CARMIL3: variants seen among roughly 807,000 people sequenced by gnomAD.
The protein encoded by CARMIL3 is capping protein, Arp2/3 and myosin-I linker protein 3.
In CARMIL3, 88 loss-of-function variants were observed where a neutral mutation model predicts 180.8. The observed-to-expected ratio is 0.49, with a 90% CI of 0.41 to 0.58. The LOEUF (loss-of-function observed/expected upper bound fraction) is 0.58, where lower values mean the gene tolerates loss of function less well. Ranked by LOEUF, CARMIL3 falls within the 20% of genes least tolerant of loss-of-function variation. The probability of loss-of-function intolerance (pLI) is 0.00; values close to 1 mark genes in which losing one functional copy is unlikely to be tolerated. For synonymous variants in CARMIL3, 696 were observed against 714.5 expected (o/e 0.97, Z 0.41); for missense variants, 1,548 against 1,787.0 (o/e 0.87, Z 2.41).
chr14:24,064,815 G>A, intron 32 of CARMIL3, 143 bp from the exon 33 acceptor site: 1 of 858,096 alleles, frequency 1.2e-6, no homozygotes, highest in Non-Finnish European at 1.8e-6. Flanking sequence ...GACAGGAAAG[G>A]CAAGGGCATC....
In CARMIL3 at chr14:24,054,634, G is replaced by C; in HGVS notation, c.363-77G>C. On this transcript the variant is annotated intron_variant, in intron 5 of 39. Transcript: ENST00000342740. The surrounding 1 kb of genome is among the most constrained non-coding windows in gnomAD (Gnocchi z 5.1). ...ATGTCCCCACTCCTGGTTTTTCCTG[G>C]GATGCAGGAGCTATAACGTGGGAAG... The C allele has an allele frequency of 6.6e-7, 1 of 1,515,766 alleles. No individual in the cohort carries two copies. The highest frequency in any genetic ancestry group is 1.2e-5 in the South Asian group (1 of 85,534). 93.9% of individuals were successfully genotyped at this position (1,515,766 alleles called of 1,614,324 possible). A position where few individuals can be genotyped will look rare whatever the true frequency, so the allele number is the denominator to read the frequency against.
At position 24,059,977 on chromosome 14, in the gene CARMIL3, A is replaced by G. The variant is rs773867158; in HGVS notation, c.1876A>G (p.Thr626Ala). The G allele has an allele frequency of 6.2e-7, 1 of 1,613,970 alleles. No homozygotes were observed. The highest frequency in any genetic ancestry group is 8.5e-7 in the Non-Finnish European group (1 of 1,179,982). ...DIARALESNHTLRFMSFPVSD... is the reference protein window; with the variant it reads ...DIARALESNHALRFMSFPVSD... ...TGCCCCTGTGTCCCACAGCAACCAC[A>G]CGCTGCGCTTCATGTCCTTCCCCGT... The change falls in exon 23 of 40, where the codon ACG becomes GCG. Residue 626 changes from threonine to alanine, a missense_variant. Physicochemically the swap from Thr to Ala is moderately conservative, Grantham distance 58. Around this residue, in one of 4 missense-constraint regions of CARMIL3, gnomAD observed 297 missense variants for 415.9 expected, o/e 0.71. Coordinates refer to ENST00000342740, the MANE Select transcript of CARMIL3 (RefSeq NM_138360.4). This position sits in a 1 kb window ranked among gnomAD's most constrained non-coding sequence, Gnocchi z 6.3.
In CARMIL3 at chr14:24,053,708, G is replaced by GAC; in HGVS notation, c.42_43dup (p.Ser15ThrfsTer7). On this transcript the variant is annotated frameshift_variant and splice_region_variant. Coordinates refer to ENST00000342740, the MANE Select transcript of CARMIL3 (RefSeq NM_138360.4). LOFTEE classifies it high-confidence loss of function. ...CTGAGCAGGCTCCCACCCCCCCTCA[G>GAC]ACAGCATCCGGAGGTGCCTGAGCCA... 1 of 1,607,578 alleles carries GAC rather than the reference G, an allele frequency of 6.2e-7. No individual in the cohort carries two copies. Among genetic ancestry groups the GAC allele is most frequent in the Non-Finnish European group, 8.5e-7 (1 of 1,176,466 alleles).
chr14:24,052,099 G>T lies in CARMIL3; in HGVS notation c.-55G>T, dbSNP rs911641879. 4.6e-4 allele frequency: 695 copies of T among 1,515,380 alleles called. 1 individual carries two copies. The highest frequency in any genetic ancestry group is 1.2e-3 in the South Asian group (95 of 81,378). The allele number at this position is 1,515,380 out of a possible 1,614,324, so 93.9% of individuals were successfully genotyped here. A position where few individuals can be genotyped will look rare whatever the true frequency, so the allele number is the denominator to read the frequency against. On this transcript the variant is annotated 5_prime_UTR_variant, in exon 1 of 40. Coordinates refer to ENST00000342740, the MANE Select transcript of CARMIL3 (RefSeq NM_138360.4). ...GAAGCCGGGTCTAGCATGTGCCGCG[G>T]CTCCCCGGCGGCGGCGGCGGCTCCT...
At position 24,052,091 on chromosome 14, in the gene CARMIL3, G is replaced by A; in HGVS notation, c.-63G>A. On this transcript the variant is annotated 5_prime_UTR_variant, in exon 1 of 40. In the 5' UTR this introduces an upstream ATG that the reference lacks. Coordinates refer to ENST00000342740, the MANE Select transcript of CARMIL3 (RefSeq NM_138360.4). ...GCCCTGCTGAAGCCGGGTCTAGCAT[G>A]TGCCGCGGCTCCCCGGCGGCGGCGG... is the stretch of plus-strand genomic sequence containing the variant. 1 of 1,504,820 alleles carries A rather than the reference G, an allele frequency of 6.6e-7. No individual in the cohort carries two copies. The highest frequency in any genetic ancestry group is 8.9e-7 in the Non-Finnish European group (1 of 1,129,598). 93.2% of individuals were successfully genotyped at this position (1,504,820 alleles called of 1,614,324 possible).
Position 24,054,858 on chromosome 14 carries a change from A to G in CARMIL3, c.460+50A>G. The G allele has an allele frequency of 1.3e-6, 2 of 1,568,182 alleles. No homozygotes were observed. The highest frequency in any genetic ancestry group is 8.8e-7 in the Non-Finnish European group (1 of 1,141,758). On this transcript the variant is annotated intron_variant, in intron 6 of 39. Coordinates refer to ENST00000342740, the MANE Select transcript of CARMIL3 (RefSeq NM_138360.4). This position sits in a 1 kb window ranked among gnomAD's most constrained non-coding sequence, Gnocchi z 5.1. ...AGTAGGCGCTCCACCATCTTGCCCC[A>G]TGATCAGAGCCCTTTGTGCACAGGG...
At position 24,058,074 on chromosome 14, in the gene CARMIL3, G is replaced by A. The variant is rs200608240; in HGVS notation, c.1322+10G>A. On this transcript the variant is annotated intron_variant, in intron 16 of 39. Coordinates refer to ENST00000342740, the MANE Select transcript of CARMIL3 (RefSeq NM_138360.4). This position sits in a 1 kb window ranked among gnomAD's most constrained non-coding sequence, Gnocchi z 6.4. ...CCCTGGAGGCCCTCAGGTCGGGTGGGTGCAGGGTTGGGGGCGCATCCAAGG... is the reference window on the plus strand; with the variant it reads ...CCCTGGAGGCCCTCAGGTCGGGTGGATGCAGGGTTGGGGGCGCATCCAAGG... 1.9e-5 allele frequency: 31 copies of A among 1,613,806 alleles called. 1 individual carries two copies. The East Asian group carries it at 4.2e-4, about 22-fold the overall frequency.
In CARMIL3 at chr14:24,054,772, T is replaced by G. The variant is rs1566538268; in HGVS notation, c.424T>G (p.Ser142Ala). ...GGGGCCCCGAGATACATCCCCCAAC[T>G]CTGAGACTTCCACATCTACCACCCA... Reference protein sequence around the residue: ...PEGPRDTSPNSETSTSTTHSV... With the variant: ...PEGPRDTSPNAETSTSTTHSV... Residue 142 changes from serine (S) to alanine (A), a missense_variant, in exon 6 of 40, where the codon TCT becomes GCT. By Grantham distance (99) the Ser-to-Ala change is moderately conservative. Transcript: ENST00000342740. This position sits in a 1 kb window ranked among gnomAD's most constrained non-coding sequence, Gnocchi z 5.1. 1 of 1,614,040 alleles carries G rather than the reference T, an allele frequency of 6.2e-7. No homozygotes were observed. The highest frequency in any genetic ancestry group is 8.5e-7 in the Non-Finnish European group (1 of 1,179,988).
chr14:24,054,348 G>A lies in CARMIL3; in HGVS notation c.246+47G>A. 1 of 1,613,900 alleles carries A rather than the reference G, an allele frequency of 6.2e-7. No homozygotes were observed. The highest frequency in any genetic ancestry group is 8.5e-7 in the Non-Finnish European group (1 of 1,179,790). On this transcript the variant is annotated intron_variant, in intron 4 of 39. Coordinates refer to ENST00000342740, the MANE Select transcript of CARMIL3 (RefSeq NM_138360.4). This position sits in a 1 kb window ranked among gnomAD's most constrained non-coding sequence, Gnocchi z 5.1. ...CCCACTACTGGGCCAGCTGGAGGAG[G>A]GAGCAGAGAGGAGGGAGTCTGAGGC...
rs2035678874 is a variant in CARMIL3 at position 24,057,023 on chromosome 14, A to G, written c.1061A>G (p.Asn354Ser). The change falls in exon 13 of 40, where the codon AAT becomes AGT. Residue 354 changes from asparagine (N) to serine (S), a missense_variant and splice_region_variant. Physicochemically the swap from Asn to Ser is conservative, Grantham distance 46 (BLOSUM62 1). Coordinates refer to ENST00000342740, the MANE Select transcript of CARMIL3 (RefSeq NM_138360.4). ...GGGCTCCTCGCCACGGATGAGGCCAATGTGAGTCCTCAGAACAGCCTCAGC... is the reference window on the plus strand; with the variant it reads ...GGGCTCCTCGCCACGGATGAGGCCAGTGTGAGTCCTCAGAACAGCCTCAGC... Reference protein sequence around the residue: ...NPGLLATDEANALYSFLAQPN... With the variant: ...NPGLLATDEASALYSFLAQPN... The G allele has an allele frequency of 1.2e-6, 2 of 1,612,736 alleles. No homozygotes were observed. Among genetic ancestry groups the G allele is most frequent in the South Asian group, 1.1e-5 (1 of 90,834 alleles).
chr14:24,061,176 C>A lies in CARMIL3; in HGVS notation c.2304+136C>A. On this transcript the variant is annotated intron_variant, in intron 26 of 39. Coordinates refer to ENST00000342740, the MANE Select transcript of CARMIL3 (RefSeq NM_138360.4). This position sits in a 1 kb window ranked among gnomAD's most constrained non-coding sequence, Gnocchi z 4.1. Reference sequence around the variant, plus strand: ...GCAGAGTTGAGACCACCCACGCTCCCACTGTACCAAGGCATTGCTGCAATA... The same window carrying A: ...GCAGAGTTGAGACCACCCACGCTCCAACTGTACCAAGGCATTGCTGCAATA... 1.4e-6 allele frequency: 1 copy of A among 735,610 alleles called. No homozygotes were observed. The highest frequency in any genetic ancestry group is 2.2e-6 in the Non-Finnish European group (1 of 446,994). 45.6% of individuals were successfully genotyped at this position (735,610 alleles called of 1,614,324 possible).
At position 24,063,398 on chromosome 14, in the gene CARMIL3, G is replaced by A; in HGVS notation, c.2844G>A (p.Gly948=). ...GIPPGWFSGL[G]GSQPTASGSW... ...CCCCTGGCTGGTTCTCAGGACTTGG[G>A]GGCAGCCAGCCCACAGCTAGTGGCT... Residue 948 remains glycine (G), a synonymous_variant, in exon 31 of 40, where the codon GGG becomes GGA. Transcript: ENST00000342740. 5 of 1,613,598 alleles carry A rather than the reference G, an allele frequency of 3.1e-6. No homozygotes were observed. Among genetic ancestry groups the A allele is most frequent in the Non-Finnish European group, 4.2e-6 (5 of 1,179,836 alleles).
In CARMIL3 at chr14:24,054,380, G is replaced by A. The variant is rs759231594; in HGVS notation, c.247-16G>A. ...AGAGGAGGGAGTCTGAGGCTCTGACGCTTCGTCTCCCCCAGATCCTGGTGG... is the reference window on the plus strand; with the variant it reads ...AGAGGAGGGAGTCTGAGGCTCTGACACTTCGTCTCCCCCAGATCCTGGTGG... On this transcript the variant is annotated splice_polypyrimidine_tract_variant and intron_variant, in intron 4 of 39. Coordinates refer to ENST00000342740, the MANE Select transcript of CARMIL3 (RefSeq NM_138360.4). The surrounding 1 kb of genome is among the most constrained non-coding windows in gnomAD (Gnocchi z 5.1). 1.5e-5 allele frequency: 25 copies of A among 1,613,776 alleles called. No homozygotes were observed. Among genetic ancestry groups the A allele is most frequent in the African/African-American group, 1.3e-4 (10 of 74,916 alleles).
rs962324528 is a variant in CARMIL3, at chr14:24,069,319, C to T, written c.4094-60C>T. 5 of 1,613,656 alleles carry T rather than the reference C, an allele frequency of 3.1e-6. No individual in the cohort carries two copies. In the South Asian group the frequency reaches 3.3e-5, roughly 11 times the overall value. ...AACATGACACCCCCCGAAGCCCCAA[C>T]ACCAGGTGGCTGGCTGTCCCTGCCC... On this transcript the variant is annotated intron_variant, in intron 39 of 39. Transcript: ENST00000342740.
intron 30 of CARMIL3, 32 bp downstream of exon 30, chr14:24,063,215 C>T (rs745935251): frequency 1.1e-5 from 18 of 1,607,964 alleles, no homozygotes; most frequent in Non-Finnish European, 1.4e-5. Context: ...CTCATGGACT[C>T]CAGACTCCCG....
rs745801430 is a variant in CARMIL3, at chr14:24,054,729, A to G, written c.381A>G (p.Gly127=). The change falls in exon 6 of 40, where the codon GGA becomes GGG. Residue 127 remains glycine, a synonymous_variant. Coordinates refer to ENST00000342740, the MANE Select transcript of CARMIL3 (RefSeq NM_138360.4). The surrounding 1 kb of genome is among the most constrained non-coding windows in gnomAD (Gnocchi z 5.1). The part of the protein sequence containing the change: ...CPGPGCLIRR[G]NADTPEGPRD... ...TTTCCAGGTGTTTGATCCGGCGTGG[A>G]AACGCAGACACCCCAGAGGGGCCCC... is the stretch of plus-strand genomic sequence containing the variant. The G allele has an allele frequency of 1.2e-6, 2 of 1,613,976 alleles. No homozygotes were observed. The highest frequency in any genetic ancestry group is 1.7e-6 in the Non-Finnish European group (2 of 1,179,948).
At chr14:24,062,629 C>G in intron 28 of CARMIL3, 62 bp downstream of exon 28, 2 of 1,613,302 alleles carry the variant, frequency 1.2e-6, no homozygotes. Context: ...ATTATCCTGT[C>G]TCCCTAATCA....
At position 24,058,890 on chromosome 14, in the gene CARMIL3, G is replaced by C. The variant is rs754783381; in HGVS notation, c.1475G>C (p.Gly492Ala). The C allele has an allele frequency of 4.3e-6, 7 of 1,614,152 alleles. No individual in the cohort carries two copies. Among genetic ancestry groups the C allele is most frequent in the South Asian group, 1.1e-5 (1 of 91,080 alleles). Residue 492 changes from glycine to alanine, a missense_variant and splice_region_variant, in exon 19 of 40, where the codon GGG becomes GCG. This residue lies in a region of CARMIL3 where 578 missense variants were observed against 666.5 expected (regional missense o/e 0.87). Transcript: ENST00000342740. This position sits in a 1 kb window ranked among gnomAD's most constrained non-coding sequence, Gnocchi z 6.4. ...CVGSLDLSDN[G>A]FDSDLLTLVP... Reference sequence around the variant, plus strand: ...CAGGCCTCTCCCATCTGCTCACCAGGGTTCGACTCGGACCTCCTGACACTG... The same window carrying C: ...CAGGCCTCTCCCATCTGCTCACCAGCGTTCGACTCGGACCTCCTGACACTG...
intron 24 of CARMIL3, 134 bp downstream of exon 24, chr14:24,060,389 C>A: frequency 2.6e-6 from 3 of 1,143,454 alleles, no homozygotes; most frequent in South Asian, 2.9e-5. Flanking sequence ...TGTGGGGAAG[C>A]AAAAAGAGAG....
Sources: allele counts gnomAD v4.1 joint callset, GRCh38; gene constraint gnomAD v4.1.1; regional missense constraint gnomAD v4.1.1; non-coding constraint Gnocchi (gnomAD v3.1); transcripts MANE v1.5; gene names NCBI Gene and HGNC (gene_info 2026-07-23, HGNC 2026-07-21).